Variants in ELL observed in about 807,000 individuals in gnomAD.
ELL encodes the protein RNA polymerase II elongation factor ELL.
Under a neutral mutation model 64.0 loss-of-function variants are expected in ELL, and 18 were observed. The ratio of observed to expected loss-of-function variants is 0.28; its 90% CI spans 0.19 to 0.42. The LOEUF (loss-of-function observed/expected upper bound fraction) is 0.42. Among genes scored for constraint, ELL ranks in the 10% least tolerant of loss-of-function variants. ELL has a pLI of 1.00. For missense variants in ELL, 797 were observed against 870.4 expected (o/e 0.92, Z 1.06); for synonymous variants, 399 against 376.2 (o/e 1.06, Z -0.70).
At chr19:18,503,620 C>A (rs10445637) in intron 1 of ELL, among the ~76,000 whole-genome samples, 3,626 of 152,290 alleles carry the variant, frequency 0.024, 69 homozygotes, top group Middle Eastern at 0.054. Context: ...TGCAGAGCCA[C>A]GGCTGCTGAG....
At position 18,491,916 on chromosome 19, in the gene ELL, C is replaced by T. The variant is rs965018361; in HGVS notation, c.136-19034G>A. Among the ~76,000 whole-genome samples the T allele has an allele frequency of 5.5e-4, 83 of 152,258 alleles. 1 individual carries two copies. The highest frequency in any genetic ancestry group is 1.1e-3 in the Non-Finnish European group (74 of 68,016). On this transcript the variant is annotated intron_variant, in intron 1 of 11. Transcript: ENST00000262809. ...TAAAAAATAAATAAAATAAAGATGA[C>T]TTTATATTTACCTACCTACCTCTCT...
At chr19:18,471,262 C>G (rs536556471) in intron 2 of ELL, 26 of 364,806 alleles carry the variant, frequency 7.1e-5, no homozygotes, top group African/African-American at 5.3e-4. Context: ...GTAGTCCCAA[C>G]TACTTGAGAA....
chr19:18,476,396 C>A (rs1047396859), intron 1 of ELL, among the ~76,000 whole-genome samples: 1 of 152,098 alleles, frequency 6.6e-6, no homozygotes, highest in African/African-American at 2.4e-5. Context: ...GGGTGCACAA[C>A]CCCCCCAAGG....
intron 6 of ELL, 36 bp from the exon 7 acceptor site, chr19:18,451,684 T>TGAGGGGGCC: frequency 6.8e-7 from 1 of 1,460,150 alleles, no homozygotes; most frequent in South Asian, 1.4e-5. Flanking sequence ...CAGAAGGTGC[T>TGAGGGGGCC]GAGGGGGCCT....
chr19:18,462,869 G>A (rs1974856620), intron 4 of ELL, among the ~76,000 whole-genome samples: 1 of 152,188 alleles, frequency 6.6e-6, no homozygotes. Context: ...ACCCTGAGGT[G>A]CAAGTGGCAC....
At chr19:18,468,107 A>C (rs1332835399) in intron 2 of ELL, among the ~76,000 whole-genome samples, 3 of 147,000 alleles carry the variant, frequency 2.0e-5, no homozygotes, top group Non-Finnish European at 4.5e-5. Context: ...CCCTACACAC[A>C]ACCACACAAA....
intron 1 of ELL, among the ~76,000 whole-genome samples, chr19:18,512,616 G>GA (rs577717213): frequency 9.5e-4 from 145 of 151,982 alleles, no homozygotes; most frequent in Non-Finnish European, 1.2e-3. Context: ...CTCTATTTCA[G>GA]AAAAAAAACA....
chr19:18,473,813 AC>A (rs1319100150), intron 1 of ELL, among the ~76,000 whole-genome samples: 1 of 151,050 alleles, frequency 6.6e-6, no homozygotes, highest in East Asian at 1.9e-4. Flanking sequence ...CCACCCCTGC[AC>A]CACCTGGCCC....
In ELL at chr19:18,458,236, C is replaced by G. The variant is rs748004787; in HGVS notation, c.838G>C (p.Asp280His). The G allele has an allele frequency of 3.7e-6, 6 of 1,611,844 alleles. No homozygotes were observed. The African/African-American group carries it at 5.3e-5, about 14-fold the overall frequency. Residue 280 changes from aspartate to histidine, a missense_variant, in exon 6 of 12, where the codon GAC becomes CAC. Asp to His is a moderately conservative substitution (Grantham distance 81). Coordinates refer to ENST00000262809, the MANE Select transcript of ELL (RefSeq NM_006532.4). Reference protein sequence around the residue: ...QKDWPGYSEGDQQLLKRVLVR... With the variant: ...QKDWPGYSEGHQQLLKRVLVR... Reference sequence around the variant, plus strand: ...AGCACCCGCTTCAGCAGCTGCTGGTCCCCCTCCGAGTAGCCAGGCCAGTCC... The same window carrying G: ...AGCACCCGCTTCAGCAGCTGCTGGTGCCCCTCCGAGTAGCCAGGCCAGTCC...
chr19:18,499,400 G>C (rs1975733647), intron 1 of ELL, among the ~76,000 whole-genome samples: 1 of 152,170 alleles, frequency 6.6e-6, no homozygotes, highest in Admixed American at 6.5e-5. Flanking sequence ...CATATTAACA[G>C]CACAAACTGG....
At chr19:18,472,909 AG>A (rs760482480) in intron 1 of ELL, 27 bp from the exon 2 acceptor site, 4 of 1,451,358 alleles carry the variant, frequency 2.8e-6, no homozygotes, top group African/African-American at 2.9e-5. Flanking sequence ...AAAAAAAAAA[AG>A]GTGAGGGGAA....
intron 4 of ELL, among the ~76,000 whole-genome samples, chr19:18,463,627 C>T (rs1974876557): frequency 6.6e-6 from 1 of 152,076 alleles, no homozygotes; most frequent in Admixed American, 6.5e-5. Flanking sequence ...GCCACTGCAT[C>T]TGGCCACATT....
chr19:18,462,379 G>T lies in ELL; in HGVS notation c.470-527C>A, dbSNP rs544904034. Among the ~76,000 whole-genome samples the T allele has an allele frequency of 8.6e-3, 706 of 82,140 alleles. 36 individuals carry two copies. The highest frequency in any genetic ancestry group is 0.013 in the Non-Finnish European group (578 of 43,478). 53.9% of individuals were successfully genotyped at this position (82,140 alleles called of 152,430 possible). On this transcript the variant is annotated intron_variant, in intron 4 of 11. Coordinates refer to ENST00000262809, the MANE Select transcript of ELL (RefSeq NM_006532.4). ...TGTGTGTGTGTTTGGGCGGGGGGCG[G>T]GGGGGGAAGGATTGTTTTGTTTTTT... is the stretch of plus-strand genomic sequence containing the variant.
At position 18,465,807 on chromosome 19, in the gene ELL, A is replaced by G; in HGVS notation, c.295T>C (p.Tyr99His). 1 of 1,385,712 alleles carries G rather than the reference A, an allele frequency of 7.2e-7. No individual in the cohort carries two copies. The highest frequency in any genetic ancestry group is 9.4e-7 in the Non-Finnish European group (1 of 1,061,000). 85.8% of individuals were successfully genotyped at this position (1,385,712 alleles called of 1,614,324 possible). A position where few individuals can be genotyped will look rare whatever the true frequency, so the allele number is the denominator to read the frequency against. The change falls in exon 3 of 12, where the codon TAT (tyrosine) becomes CAT (histidine). Residue 99 changes from tyrosine to histidine, a missense_variant. Tyr to His is a moderately conservative substitution (Grantham distance 83). Coordinates refer to ENST00000262809, the MANE Select transcript of ELL (RefSeq NM_006532.4). Reference sequence around the variant, plus strand: ...GGGGCGGCGCCTCACCTGGAGACATACTGCTGGATGCAGTCGAAGCTGCCC... The same window carrying G: ...GGGGCGGCGCCTCACCTGGAGACATGCTGCTGGATGCAGTCGAAGCTGCCC... ...PQGSFDCIQQ[Y>H]VSSHGEVHLD...
intron 1 of ELL, among the ~76,000 whole-genome samples, chr19:18,504,496 G>T (rs1276087264): frequency 6.6e-6 from 1 of 152,152 alleles, no homozygotes; most frequent in East Asian, 1.9e-4. Context: ...GGGAGGAAGG[G>T]GAAGTGGCTA....
chr19:18,506,248 G>T (rs1288483598), intron 1 of ELL, among the ~76,000 whole-genome samples: 1 of 152,236 alleles, frequency 6.6e-6, no homozygotes, highest in Non-Finnish European at 1.5e-5. Flanking sequence ...CCCCAGGCCT[G>T]GGCCCTGTCT....
chr19:18,445,363 G>T, intron 10 of ELL, 95 bp from the exon 11 acceptor site: 2 of 1,206,296 alleles, frequency 1.7e-6, no homozygotes, highest in East Asian at 4.8e-5. Context: ...AAGGGGGCAT[G>T]GGAGGGTGGG....
Position 18,482,763 on chromosome 19 carries a change from T to TG in ELL, c.136-9882_136-9881insC, listed in dbSNP as rs1975329570. Among the ~76,000 whole-genome samples the TG allele has an allele frequency of 7.6e-3, 1,138 of 149,704 alleles. 7 individuals are homozygous for TG. The highest frequency in any genetic ancestry group is 0.025 in the African/African-American group (1,004 of 40,088). ...CTTAGTTCCTCCCATCTTTTTGGTT[T>TG]TTGTTGTTGTTGTTGTTGTTGTTGT... On this transcript the variant is annotated intron_variant, in intron 1 of 11. Coordinates refer to ENST00000262809, the MANE Select transcript of ELL (RefSeq NM_006532.4).
At chr19:18,467,631 CCACACACACA>C (rs56351300) in intron 2 of ELL, among the ~76,000 whole-genome samples, 14,198 of 66,910 alleles carry the variant, frequency 0.21, 1,757 homozygotes, top group Admixed American at 0.26. Flanking sequence ...CACCACACAA[CCACACACACA>C]CACACACACA....
Sources: gnomAD v4.1 joint callset for allele counts (sites outside exome capture counted in the v4.1 genomes callset) on GRCh38, gnomAD v4.1.1 for gene constraint, MANE v1.5 for transcripts, NCBI Gene and HGNC (gene_info 2026-07-23, HGNC 2026-07-21) for gene names.